The following LAMA5 variants were observed in gnomAD, a reference collection of about 807,000 sequenced individuals.
LAMA5 encodes the protein laminin subunit alpha 5.
Under a neutral mutation model 433.4 loss-of-function variants are expected in LAMA5, and 260 were observed. The observed-to-expected ratio is 0.60, with a 90% CI of 0.54 to 0.66. The LOEUF is 0.66. LAMA5 is among the 30% of genes least tolerant of loss of function. LAMA5 has a pLI of 0.00. For missense variants in LAMA5, 5,378 were observed against 5,258.5 expected, an observed-to-expected ratio of 1.02 and a Z score of -0.70; for synonymous variants, 2,620 against 2,226.6, an observed-to-expected ratio of 1.18 and a Z score of -4.97.
Position 62,329,907 on chromosome 20 carries a change from T to C in LAMA5, c.3989A>G (p.Asn1330Ser), listed in dbSNP as rs950322357. Reference sequence around the variant, plus strand: ...GTAGCCATGTGGACAGAAGCTGGCGTTGGCGTGGCCTGGGCGGGGGAGAAA... The same window carrying C: ...GTAGCCATGTGGACAGAAGCTGGCGCTGGCGTGGCCTGGGCGGGGGAGAAA... ...NAGRVWQGHA[N>S]ASFCPHGYGC... The change falls in exon 32 of 80, where the codon AAC (asparagine) becomes AGC (serine). Residue 1330 changes from asparagine to serine, a missense_variant. Asn to Ser is a conservative substitution (Grantham distance 46). Transcript: ENST00000252999. The C allele has an allele frequency of 3.7e-6, 6 of 1,611,394 alleles. No homozygotes were observed. Among genetic ancestry groups the C allele is most frequent in the South Asian group, 2.2e-5 (2 of 90,978 alleles).
chr20:62,345,572 A>C (rs2146276164), intron 11 of LAMA5: 2 of 641,156 alleles, frequency 3.1e-6, no homozygotes, highest in East Asian at 3.0e-5. Context: ...ACACCCAGCT[A>C]ATTTTTGTAT....
Position 62,329,049 on chromosome 20 carries a change from G to A in LAMA5, c.4242C>T (p.Ser1414=). ...CGTTTCGGCAGAACAGGGATGAGCT[G>A]CTGGGGCTACATGGAGGGGCACGTG... ...CAAQGYHISP[S]SSSLFCRNAA... The change falls in exon 34 of 80, where the codon AGC becomes AGT. Residue 1414 remains serine, a synonymous_variant. Transcript: ENST00000252999. The A allele has an allele frequency of 6.2e-7, 1 of 1,612,740 alleles. No individual in the cohort carries two copies. The highest frequency in any genetic ancestry group is 8.5e-7 in the Non-Finnish European group (1 of 1,179,882).
At chr20:62,349,086 G>A (rs1234971456) in intron 6 of LAMA5, among the ~76,000 whole-genome samples, 2 of 151,916 alleles carry the variant, frequency 1.3e-5, no homozygotes, top group Non-Finnish European at 2.9e-5. Context: ...TGGCTAACAT[G>A]GTGAAACCCC....
Position 62,342,331 on chromosome 20 carries a change from A to T in LAMA5, c.1477+3487T>A, listed in dbSNP as rs763764729. 8.8e-5 allele frequency: 33 copies of T among 376,412 alleles called. No individual in the cohort carries two copies. The East Asian group carries it at 3.6e-3, about 41-fold the overall frequency. The allele number at this position is 376,412 out of a possible 1,614,324, so 23.3% of individuals were successfully genotyped here. ...AAAAAAAGATGAGGTAGAAAATTGA[A>T]TACAATAGCCACAGAATACATTAAA... is the stretch of plus-strand genomic sequence containing the variant. On this transcript the variant is annotated intron_variant, in intron 11 of 79. Transcript: ENST00000252999.
At chr20:62,311,581 G>A (rs536879227) in intron 71 of LAMA5, 33 bp downstream of exon 71, 34 of 1,609,210 alleles carry the variant, frequency 2.1e-5, no homozygotes, top group Non-Finnish European at 2.7e-5. Context: ...AAGGCCAGCT[G>A]GGACCTTGTC....
At chr20:62,363,119 G>A (rs985063092) in intron 1 of LAMA5, among the ~76,000 whole-genome samples, 8 of 152,202 alleles carry the variant, frequency 5.3e-5, no homozygotes, top group Admixed American at 4.6e-4. Flanking sequence ...CGTCAGGGCC[G>A]GGATCCAGGC....
Position 62,320,676 on chromosome 20 carries a change from G to T in LAMA5, c.6649-7C>A. The T allele has an allele frequency of 6.2e-7, 1 of 1,611,024 alleles. No individual in the cohort carries two copies. The highest frequency in any genetic ancestry group is 8.5e-7 in the Non-Finnish European group (1 of 1,179,238). Reference sequence around the variant, plus strand: ...GGGGGCTCCGGAGCTGGCTCTGTGGGAGGCGAAAGGTGAAGGCCTGCACTG... The same window carrying T: ...GGGGGCTCCGGAGCTGGCTCTGTGGTAGGCGAAAGGTGAAGGCCTGCACTG... On this transcript the variant is annotated splice_region_variant and splice_polypyrimidine_tract_variant and intron_variant, in intron 49 of 79. Transcript: ENST00000252999.
In LAMA5 at chr20:62,325,487, C is replaced by A; in HGVS notation, c.5358G>T (p.Val1786=). 1 of 1,612,948 alleles carries A rather than the reference C, an allele frequency of 6.2e-7. No individual in the cohort carries two copies. The highest frequency in any genetic ancestry group is 2.2e-5 in the East Asian group (1 of 44,872). The change falls in exon 41 of 80, where the codon GTG becomes GTT. Residue 1786 remains valine (V), a synonymous_variant. Transcript: ENST00000252999. The part of the protein sequence containing the change: ...NTVSREELMM[V]LASLEQLQIR... ...TCTGCAGCTGCTCCAGGCTGGCCAG[C>A]ACCATCATGAGCTCCTCGCGGGACA...
intron 16 of LAMA5, 49 bp from the exon 17 acceptor site, chr20:62,336,835 A>G: frequency 6.3e-7 from 1 of 1,593,452 alleles, no homozygotes; most frequent in Non-Finnish European, 8.6e-7. Flanking sequence ...ACCAACCCGG[A>G]AGGCCAAGGG....
In LAMA5 at chr20:62,323,582, G is replaced by T; in HGVS notation, c.5938C>A (p.Leu1980Ile). 12 of 1,609,642 alleles carry T rather than the reference G, an allele frequency of 7.5e-6. No individual in the cohort carries two copies. The highest frequency in any genetic ancestry group is 8.5e-6 in the Non-Finnish European group (10 of 1,178,982). ...DCSGNGDPNL[L>I]FSDCDPLTGA... The stretch of plus-strand genomic sequence containing the variant: ...GTCAGGGGGTCGCAGTCGCTGAAGA[G>T]CAAGTTGGGGTCACCGTTGCCGCTG... Residue 1980 changes from leucine (L) to isoleucine (I), a missense_variant, in exon 45 of 80, where the codon CTC (leucine) becomes ATC (isoleucine). Transcript: ENST00000252999.
chr20:62,330,939 G>A lies in LAMA5; in HGVS notation c.3656C>T (p.Ala1219Val), dbSNP rs1980267204. The A allele has an allele frequency of 6.4e-7, 1 of 1,552,476 alleles. No homozygotes were observed. The highest frequency in any genetic ancestry group is 8.7e-7 in the Non-Finnish European group (1 of 1,148,220). The change falls in exon 30 of 80, where the codon GCC becomes GTC. Residue 1219 changes from alanine (A) to valine (V), a missense_variant. Transcript: ENST00000252999. ...SHGAFGPNSA[A>V]CLPSRFPKPP... ...CTTTGGGAAGCGCGAGGGCAGACAG[G>A]CGGCACTGGTGAGAGCACAGTGGGT...
chr20:62,362,982 C>G (rs1273430197), intron 1 of LAMA5, among the ~76,000 whole-genome samples: 1 of 152,016 alleles, frequency 6.6e-6, no homozygotes, highest in Admixed American at 6.5e-5. Context: ...CCAAAGGGAG[C>G]AAGAAGGGGC....
Position 62,328,448 on chromosome 20 carries a change from G to C in LAMA5, c.4448-3C>G. 6.7e-7 allele frequency: 1 copy of C among 1,488,316 alleles called. No homozygotes were observed. Among genetic ancestry groups the C allele is most frequent in the South Asian group, 1.3e-5 (1 of 74,688 alleles). The allele number at this position is 1,488,316 out of a possible 1,614,324, so 92.2% of individuals were successfully genotyped here. A position where few individuals can be genotyped will look rare whatever the true frequency, so the allele number is the denominator to read the frequency against. ...GAGGCGGGCACCGCAGTCACAGGCT[G>C]TGGGGCGGGTACAGGGTTTACTGAC... On this transcript the variant is annotated splice_polypyrimidine_tract_variant and splice_region_variant and intron_variant, in intron 34 of 79. Transcript: ENST00000252999.
rs934954131 is a variant in LAMA5 at position 62,320,548 on chromosome 20, G to A, written c.6759+11C>T. 1.9e-6 allele frequency: 3 copies of A among 1,569,918 alleles called. No individual in the cohort carries two copies. The highest frequency in any genetic ancestry group is 2.6e-6 in the Non-Finnish European group (3 of 1,165,578). ...GCCTCCCGGGGCCCTGGGGGGTCTT[G>A]GGGCTCCTGCCTGGCCGCCTAGCCG... On this transcript the variant is annotated intron_variant, in intron 50 of 79. Coordinates refer to ENST00000252999, the MANE Select transcript of LAMA5 (RefSeq NM_005560.6).
At chr20:62,338,897 C>T (rs1017397121) in intron 11 of LAMA5, among the ~76,000 whole-genome samples, 2 of 151,924 alleles carry the variant, frequency 1.3e-5, no homozygotes, top group Non-Finnish European at 2.9e-5. Context: ...ATTAGCTGGG[C>T]GTAGTGGTGC....
chr20:62,336,391 A>C lies in LAMA5; in HGVS notation c.2272T>G (p.Cys758Gly). 6.2e-7 allele frequency: 1 copy of C among 1,612,580 alleles called. No individual in the cohort carries two copies. The highest frequency in any genetic ancestry group is 8.5e-7 in the Non-Finnish European group (1 of 1,179,808). Residue 758 changes from cysteine (C) to glycine (G), a missense_variant, in exon 18 of 80, where the codon TGC becomes GGC. By Grantham distance (159) the Cys-to-Gly change is radical. Coordinates refer to ENST00000252999, the MANE Select transcript of LAMA5 (RefSeq NM_005560.6). ...CTCAGTCCCCAGAACCCAGGTTTGC[A>C]GCGGTCACAGCTCGGCCCCTCCACG... ...AHVEGPSCDR[C>G]KPGFWGLSPS...
intron 2 of LAMA5, among the ~76,000 whole-genome samples, chr20:62,360,969 C>T (rs936791472): frequency 3.9e-5 from 6 of 152,170 alleles, no homozygotes; most frequent in Admixed American, 3.3e-4. Flanking sequence ...GCACTGCGCC[C>T]ACTGGCTCTG....
chr20:62,327,725 G>C, intron 36 of LAMA5, 56 bp from the exon 37 acceptor site: 2 of 1,598,960 alleles, frequency 1.3e-6, no homozygotes, highest in South Asian at 2.2e-5. Flanking sequence ...CTGACCCCGG[G>C]TTCCTGGTAC....
chr20:62,324,533 G>A lies in LAMA5; in HGVS notation c.5551C>T (p.Arg1851Trp), dbSNP rs759686911. 2.9e-5 allele frequency: 46 copies of A among 1,611,330 alleles called. No homozygotes were observed. In the East Asian group the frequency reaches 4.2e-4, roughly 15 times the overall value. ...CCCAGGAAGAGACCTTTGACGTCCC[G>A]ATAGAAGCCGGGGGCACATTCCTGA... The part of the protein sequence containing the change: ...SCQECAPGFY[R>W]DVKGLFLGRC... Residue 1851 changes from arginine (R) to tryptophan (W), a missense_variant, in exon 42 of 80, where the codon CGG (arginine) becomes TGG (tryptophan). Coordinates refer to ENST00000252999, the MANE Select transcript of LAMA5 (RefSeq NM_005560.6). The surrounding 1 kb of genome is among the most constrained non-coding windows in gnomAD (Gnocchi z 4.4).
Sources: gnomAD v4.1 joint callset for allele counts (sites outside exome capture counted in the v4.1 genomes callset) on GRCh38, gnomAD v4.1.1 for gene constraint, Gnocchi (gnomAD v3.1) non-coding constraint, MANE v1.5 for transcripts, NCBI Gene and HGNC (gene_info 2026-07-23, HGNC 2026-07-21) for gene names.